The following KIR2DL4 variants were observed in gnomAD, a reference collection of about 807,000 sequenced individuals.
KIR2DL4 encodes killer cell immunoglobulin-like receptor 2DL4.
Under a neutral mutation model 31.0 loss-of-function variants are expected in KIR2DL4, and 41 were observed. The observed-to-expected ratio is 1.32, with a 90% CI of 1.03 to 1.72. The LOEUF is 1.72. KIR2DL4 is among the 40% of genes most tolerant of loss of function. The probability of loss-of-function intolerance (pLI) is 0.00; values close to 1 mark genes in which losing one functional copy is unlikely to be tolerated. For missense variants in KIR2DL4, 438 were observed against 353.7 expected (o/e 1.24, Z -1.91); for synonymous variants, 164 against 133.6 (o/e 1.23, Z -1.57).
In KIR2DL4 at chr19:54,806,174, C is replaced by T. The variant is rs1401567211; in HGVS notation, c.585C>T (p.Cys195=). Residue 195 remains cysteine (C), a synonymous_variant, in exon 4 of 8, where the codon TGC becomes TGT. Coordinates refer to ENST00000359085, the Ensembl canonical transcript of KIR2DL4. ...CCACCCACGGAGAGACCTACAGATG[C>T]TTCGGCTCTTTCCATGGATCTCCCT... is the stretch of plus-strand genomic sequence containing the variant. 15 of 1,611,786 alleles carry T rather than the reference C, an allele frequency of 9.3e-6. 2 individuals carry two copies. The highest frequency in any genetic ancestry group is 1.3e-5 in the African/African-American group (1 of 74,214).
chr19:54,805,825 G>A lies in KIR2DL4; in HGVS notation c.362-126G>A, dbSNP rs2060481401. On this transcript the variant is annotated intron_variant, in intron 3 of 7. Coordinates refer to ENST00000359085, the Ensembl canonical transcript of KIR2DL4. ...GAGGGATCGACAGGAAGAGTTGGGG[G>A]TGGAGGGTGAGAGAGAGAGAGAGAG... The A allele has an allele frequency of 3.2e-5, 28 of 884,184 alleles. 1 individual carries two copies. The South Asian group carries it at 4.4e-4, about 14-fold the overall frequency. The allele number at this position is 884,184 out of a possible 1,614,324, so 54.8% of individuals were successfully genotyped here.
At chr19:54,806,734 G>C (rs2060553479) in intron 4 of KIR2DL4, among the ~76,000 whole-genome samples, 1 of 150,738 alleles carries the variant, frequency 6.6e-6, no homozygotes, top group Non-Finnish European at 1.5e-5. Context: ...TATGCTGTGT[G>C]CGGTGGCTCA....
chr19:54,812,906 G>A (rs1366786406), intron 5 of KIR2DL4, among the ~76,000 whole-genome samples: 1 of 144,374 alleles, frequency 6.9e-6, no homozygotes, highest in Non-Finnish European at 1.5e-5. Context: ...GTTTGGAGGG[G>A]TCAAACATTG....
chr19:54,813,253 G>T, intron 6 of KIR2DL4: 1 of 1,597,044 alleles, frequency 6.3e-7, no homozygotes, highest in South Asian at 1.1e-5. Flanking sequence ...GCAGAGGCCA[G>T]AGAACTCAGG....
At chr19:54,812,980 C>A in intron 5 of KIR2DL4, 1 of 589,874 alleles carries the variant, frequency 1.7e-6, no homozygotes, top group Non-Finnish European at 2.9e-6. Flanking sequence ...ACGGAGAAAG[C>A]AGGAGAAAGC....
intron 2 of KIR2DL4, 139 bp downstream of exon 2, chr19:54,804,065 G>A: frequency 1.2e-6 from 1 of 827,490 alleles, no homozygotes; most frequent in Non-Finnish European, 2.1e-6. Flanking sequence ...TCATGAACTA[G>A]TAAGAGGAGA....
chr19:54,808,692 A>G, intron 4 of KIR2DL4, 141 bp from the exon 5 acceptor site: 3 of 759,178 alleles, frequency 4.0e-6, no homozygotes, highest in Non-Finnish European at 7.2e-6. Context: ...ACCTACAATG[A>G]TTATGGAGAA....
At chr19:54,804,044 G>C (rs1319250371) in intron 2 of KIR2DL4, 118 bp downstream of exon 2, 1 of 807,506 alleles carries the variant, frequency 1.2e-6, no homozygotes, top group South Asian at 1.4e-5. Context: ...GGAAGGCCTG[G>C]GGGGAGTCTC....
intron 2 of KIR2DL4, among the ~76,000 whole-genome samples, chr19:54,804,432 C>T (rs891611711): frequency 6.6e-6 from 1 of 151,288 alleles, no homozygotes; most frequent in African/African-American, 2.4e-5. Context: ...CAGCCACGAC[C>T]CTGCCATTCC....
Position 54,813,837 on chromosome 19 carries a change from T to A in KIR2DL4, c.*42-5T>A. ...CTCCCTCACTCAGGATTTCCCTCTC[T>A]CCAGGACTCTGATGAACAAGACCCT... On this transcript the variant is annotated splice_polypyrimidine_tract_variant and splice_region_variant and intron_variant, in intron 7 of 7. Transcript: ENST00000359085. 6.2e-7 allele frequency: 1 copy of A among 1,612,222 alleles called. No homozygotes were observed. The highest frequency in any genetic ancestry group is 8.5e-7 in the Non-Finnish European group (1 of 1,179,714).
intron 4 of KIR2DL4, among the ~76,000 whole-genome samples, 191 bp downstream of exon 4, chr19:54,806,435 G>C (rs2060535199): frequency 1.3e-5 from 2 of 151,154 alleles, no homozygotes; most frequent in African/African-American, 4.9e-5. Flanking sequence ...ATGGAAGCTT[G>C]CAGTAAGGGC....
rs2147989763 is a variant in KIR2DL4, at chr19:54,813,746, G to A, written c.*41+4G>A. ...ACACAGAACAGTGAACAGGGAGGTA[G>A]GTCCTCCTAGCCCAGCCTCATGGAT... is the stretch of plus-strand genomic sequence containing the variant. On this transcript the variant is annotated splice_donor_region_variant and intron_variant, in intron 7 of 7. Coordinates refer to ENST00000359085, the Ensembl canonical transcript of KIR2DL4. 1 of 1,611,658 alleles carries A rather than the reference G, an allele frequency of 6.2e-7. No homozygotes were observed. The highest frequency in any genetic ancestry group is 2.2e-5 in the East Asian group (1 of 44,830).
chr19:54,803,908 A>G, exon 2 of KIR2DL4: 1 of 1,609,898 alleles, frequency 6.2e-7, no homozygotes, highest in Non-Finnish European at 8.5e-7. Flanking sequence ...CTTGGACCAG[A>G]GTGTGTGGGC....
exon 3 of KIR2DL4, chr19:54,805,059 C>G: frequency 6.2e-7 from 1 of 1,606,946 alleles, no homozygotes; most frequent in South Asian, 1.1e-5. Context: ...CAGCAACCCC[C>G]TGGTGATCAT....
exon 8 of KIR2DL4, chr19:54,814,029 C>G (rs2061057474): frequency 1.2e-6 from 2 of 1,612,262 alleles, no homozygotes; most frequent in African/African-American, 2.7e-5. Context: ...CACAGTCAGG[C>G]CTTGATGGGA....
In KIR2DL4 at chr19:54,806,164, C is replaced by T. The variant is rs1326188403; in HGVS notation, c.575C>T (p.Thr192Ile). 7 of 1,611,752 alleles carry T rather than the reference C, an allele frequency of 4.3e-6. 1 individual carries two copies. The highest frequency in any genetic ancestry group is 5.9e-6 in the Non-Finnish European group (7 of 1,179,544). ...CTGGGTCCTGCCACCCACGGAGAGA[C>T]CTACAGATGCTTCGGCTCTTTCCAT... is the stretch of plus-strand genomic sequence containing the variant. The change falls in exon 4 of 8, where the codon ACC becomes ATC. Residue 192 changes from threonine to isoleucine, a missense_variant. Physicochemically the swap from Thr to Ile is moderately conservative, Grantham distance 89. Transcript: ENST00000359085.
chr19:54,813,012 G>T lies in KIR2DL4; in HGVS notation c.707-113G>T, dbSNP rs1465119408. The T allele has an allele frequency of 1.4e-5, 10 of 718,628 alleles. 1 individual carries two copies. In the Admixed American group the frequency reaches 2.0e-4, roughly 15 times the overall value. The allele number at this position is 718,628 out of a possible 1,614,324, so 44.5% of individuals were successfully genotyped here. On this transcript the variant is annotated intron_variant, in intron 5 of 7. Coordinates refer to ENST00000359085, the Ensembl canonical transcript of KIR2DL4. ...AAGCTGGGTCTCCCGCCTCGTGGGT[G>T]CTTGTCTTAAAGAGGTGTTTTATGT...
exon 3 of KIR2DL4, chr19:54,804,835 T>C: frequency 6.2e-7 from 1 of 1,612,334 alleles, no homozygotes; most frequent in Non-Finnish European, 8.5e-7. Context: ...CCCAGCGCTG[T>C]GGTGCCTCAA....
At chr19:54,807,568 GT>G (rs1314075990) in intron 4 of KIR2DL4, among the ~76,000 whole-genome samples, 1 of 150,046 alleles carries the variant, frequency 6.7e-6, no homozygotes, top group Non-Finnish European at 1.5e-5. Flanking sequence ...CTCCCGAGTA[GT>G]TGGGATTACT....
Sources: allele counts gnomAD v4.1 joint callset (sites outside exome capture counted in the v4.1 genomes callset), GRCh38; gene constraint gnomAD v4.1.1; transcripts MANE v1.5; gene names NCBI Gene and HGNC (gene_info 2026-07-23, HGNC 2026-07-21).